COL5A3: variants seen among roughly 807,000 people sequenced by gnomAD.
COL5A3 encodes the protein collagen alpha-3(V) chain.
In COL5A3, 172 loss-of-function variants were observed where a neutral mutation model predicts 250.0. The ratio of observed to expected loss-of-function variants is 0.69; its 90% CI spans 0.61 to 0.78. COL5A3 has a LOEUF of 0.78. COL5A3 is among the 30% of genes least tolerant of loss of function. The probability of loss-of-function intolerance (pLI) is 0.00; values close to 1 mark genes in which losing one functional copy is unlikely to be tolerated. For synonymous variants in COL5A3, 937 were observed against 900.4 expected, an observed-to-expected ratio of 1.04 and a Z score of -0.73; for missense variants, 2,340 against 2,334.4, an observed-to-expected ratio of 1.00 and a Z score of -0.05.
chr19:9,995,624 G>A lies in COL5A3; in HGVS notation c.1534-7C>T. On this transcript the variant is annotated splice_polypyrimidine_tract_variant and splice_region_variant and intron_variant, in intron 15 of 66. Transcript: ENST00000264828. ...CCTGCAGGCCTCGGGGACCCTAGAA[G>A]AAAGCAAAAAGGAGGAAGGAAAGGA... The A allele has an allele frequency of 1.3e-6, 2 of 1,574,876 alleles. No homozygotes were observed. Among genetic ancestry groups the A allele is most frequent in the Admixed American group, 3.9e-5 (2 of 50,636 alleles).
chr19:9,961,842 G>A (rs2086678759), intron 65 of COL5A3, among the ~76,000 whole-genome samples: 1 of 152,092 alleles, frequency 6.6e-6, no homozygotes, highest in Admixed American at 6.6e-5. Flanking sequence ...ACAGGCGTGA[G>A]CCACTGTGCC....
chr19:9,997,647 G>C (rs1427297341), intron 10 of COL5A3, among the ~76,000 whole-genome samples: 2 of 151,902 alleles, frequency 1.3e-5, no homozygotes, highest in East Asian at 3.8e-4. Context: ...TGTCACCCAT[G>C]CTGGAGTGCA....
In COL5A3 at chr19:9,978,581, C is replaced by G. The variant is rs1313494049; in HGVS notation, c.3011G>C (p.Gly1004Ala). ...ACATGGGGTTATACTTACATTGGCC[C>G]CCACGGGCCCTGGGGGGCCCTTATC... Reference protein sequence around the residue: ...KGDKGPPGPVGANGSPGERGP... With the variant: ...KGDKGPPGPVAANGSPGERGP... Residue 1004 changes from glycine (G) to alanine (A), a missense_variant, in exon 41 of 67, where the codon GGG (glycine) becomes GCG (alanine). Transcript: ENST00000264828. The G allele has an allele frequency of 6.3e-7, 1 of 1,582,494 alleles. No individual in the cohort carries two copies. Among genetic ancestry groups the G allele is most frequent in the Non-Finnish European group, 8.6e-7 (1 of 1,163,788 alleles).
intron 16 of COL5A3, 46 bp downstream of exon 16, chr19:9,995,518 T>C (rs369040137): frequency 4.5e-5 from 70 of 1,552,174 alleles, no homozygotes; most frequent in South Asian, 5.9e-5. Flanking sequence ...ATGTTGGGTG[T>C]TGAGGGATGG....
chr19:10,006,972 G>A (rs2087452810), intron 1 of COL5A3, among the ~76,000 whole-genome samples: 1 of 147,912 alleles, frequency 6.8e-6, no homozygotes, highest in African/African-American at 2.5e-5. Context: ...TCCTCTCTCA[G>A]ACTTTGCCCT....
chr19:9,967,512 CACACACTCACAT>C (rs2086770695), intron 61 of COL5A3, 112 bp from the exon 62 acceptor site: 3 of 749,078 alleles, frequency 4.0e-6, no homozygotes, highest in Admixed American at 6.6e-5. Flanking sequence ...CACACAGTCT[CACACACTCACAT>C]ACACACTCAC....
chr19:9,968,690 G>A lies in COL5A3; in HGVS notation c.4191C>T (p.Gly1397=). The change falls in exon 58 of 67, where the codon GGC becomes GGT. Residue 1397 remains glycine, a synonymous_variant. Coordinates refer to ENST00000264828, the MANE Select transcript of COL5A3 (RefSeq NM_015719.4). The surrounding 1 kb of genome is among the most constrained non-coding windows in gnomAD (Gnocchi z 4.1). ...ATGTCCTTACCTTTTCCCCCTTGGG[G>A]CCAGTGTCTCCCTTCAGCCCTGGGA... ...SGLPGLKGDT[G]PKGEKGHIGL... The A allele has an allele frequency of 6.2e-7, 1 of 1,607,080 alleles. No individual in the cohort carries two copies. The highest frequency in any genetic ancestry group is 8.5e-7 in the Non-Finnish European group (1 of 1,177,618).
intron 12 of COL5A3, 43 bp from the exon 13 acceptor site, chr19:9,996,559 C>A: frequency 6.2e-7 from 1 of 1,613,312 alleles, no homozygotes; most frequent in South Asian, 1.1e-5. Flanking sequence ...AGGAGAGGCC[C>A]CCTCCTGGAT....
At chr19:9,994,170 AT>A (rs140091619) in intron 16 of COL5A3, among the ~76,000 whole-genome samples, 2 of 150,212 alleles carry the variant, frequency 1.3e-5, no homozygotes, top group South Asian at 2.1e-4. Flanking sequence ...CTAAGATATT[AT>A]TTTTTTTAAT....
chr19:9,969,734 C>G (rs2277965), intron 55 of COL5A3, 52 bp from the exon 56 acceptor site: 307,208 of 1,579,676 alleles, frequency 0.19, 31,180 homozygotes, highest in East Asian at 0.24. Context: ...TTCCTGCCTC[C>G]TGACCCCTGC....
intron 39 of COL5A3, 28 bp downstream of exon 39, chr19:9,979,104 C>A (rs1166230121): frequency 6.6e-7 from 1 of 1,521,904 alleles, no homozygotes; most frequent in South Asian, 1.3e-5. Flanking sequence ...GGATGTTCAA[C>A]CAAGATCTCC....
chr19:9,960,952 A>ACC (rs1246724894), intron 65 of COL5A3, 62 bp from the exon 66 acceptor site: 13 of 1,570,970 alleles, frequency 8.3e-6, no homozygotes, highest in Admixed American at 5.1e-5. Flanking sequence ...TGCAGAAGCC[A>ACC]CCCCCTGGAA....
intron 31 of COL5A3, among the ~76,000 whole-genome samples, chr19:9,982,421 G>A (rs777850526): frequency 2.6e-5 from 4 of 152,140 alleles, no homozygotes; most frequent in Non-Finnish European, 2.9e-5. Context: ...CACCTCCTTA[G>A]AATGCCTTTC....
chr19:9,969,884 C>T lies in COL5A3; in HGVS notation c.3975G>A (p.Gly1325=), dbSNP rs1319651370. The change falls in exon 55 of 67, where the codon GGG becomes GGA. Residue 1325 remains glycine (G), a synonymous_variant. Coordinates refer to ENST00000264828, the MANE Select transcript of COL5A3 (RefSeq NM_015719.4). The part of the protein sequence containing the change: ...SGHMGREGRE[G]EKGAKGEPGP... ...GGGGACTCACCTTGGCACCTTTCTCCCCTTCTCTGCCTTCTCGACCCATGT... is the reference window on the plus strand; with the variant it reads ...GGGGACTCACCTTGGCACCTTTCTCTCCTTCTCTGCCTTCTCGACCCATGT... 1.2e-6 allele frequency: 2 copies of T among 1,613,738 alleles called. No homozygotes were observed. Among genetic ancestry groups the T allele is most frequent in the Admixed American group, 1.7e-5 (1 of 59,996 alleles).
chr19:9,978,962 C>A lies in COL5A3; in HGVS notation c.2893G>T (p.Gly965Ter). The change falls in exon 40 of 67, where the codon GGA becomes TGA. Residue 965 changes from glycine (G) to a stop codon, truncating the protein, a stop_gained. Transcript: ENST00000264828. LOFTEE classifies it high-confidence loss of function. ...EGAKGELGPPGPLGKEGPAGL... is the reference protein window; with the variant it reads ...EGAKGELGPP ...GCTGGCCCTTCTTTCCCAAGGGGTC[C>A]TGGTGGTCCCAGTTCCCCCTACAGG... 1 of 1,538,924 alleles carries A rather than the reference C, an allele frequency of 6.5e-7. No individual in the cohort carries two copies.
chr19:10,003,915 T>C, intron 5 of COL5A3, 126 bp downstream of exon 5: 1 of 1,005,774 alleles, frequency 9.9e-7, no homozygotes, highest in Non-Finnish European at 1.5e-6. Flanking sequence ...GCCTGGGATG[T>C]GTTGGAGGTC....
chr19:9,983,244 G>T (rs1396729763), intron 31 of COL5A3, among the ~76,000 whole-genome samples: 1 of 151,918 alleles, frequency 6.6e-6, no homozygotes, highest in Non-Finnish European at 1.5e-5. Flanking sequence ...GCTTATGCTT[G>T]TAATCCCAGC....
chr19:10,008,336 C>A (rs2087471648), intron 1 of COL5A3, among the ~76,000 whole-genome samples: 2 of 152,294 alleles, frequency 1.3e-5, no homozygotes, highest in Admixed American at 1.3e-4. Flanking sequence ...AAACTTGTGT[C>A]CCCTCTGGAA....
chr19:9,962,903 G>A lies in COL5A3; in HGVS notation c.4783-16C>T. 2 of 1,600,818 alleles carry A rather than the reference G, an allele frequency of 1.2e-6. No individual in the cohort carries two copies. Among genetic ancestry groups the A allele is most frequent in the Non-Finnish European group, 1.7e-6 (2 of 1,171,408 alleles). On this transcript the variant is annotated splice_polypyrimidine_tract_variant and intron_variant, in intron 64 of 66. Coordinates refer to ENST00000264828, the MANE Select transcript of COL5A3 (RefSeq NM_015719.4). ...CCAATTTCACCTGGAAGAGAAAAGG[G>A]AGGGTCACTGTAGCTGACGCCCTTG...
Sources: gnomAD v4.1 joint callset for allele counts (sites outside exome capture counted in the v4.1 genomes callset) on GRCh38, gnomAD v4.1.1 for gene constraint, Gnocchi (gnomAD v3.1) non-coding constraint, MANE v1.5 for transcripts, NCBI Gene and HGNC (gene_info 2026-07-23, HGNC 2026-07-21) for gene names.